PCMT1: variants seen among roughly 807,000 people sequenced by gnomAD.
PCMT1 encodes the protein protein-L-isoaspartate(D-aspartate) O-methyltransferase.
Under a neutral mutation model 29.2 loss-of-function variants are expected in PCMT1, and 9 were observed. The observed-to-expected ratio is 0.31, with a 90% CI of 0.19 to 0.54. The LOEUF (loss-of-function observed/expected upper bound fraction) is 0.54, where lower values mean the gene tolerates loss of function less well. PCMT1 is among the 20% of genes least tolerant of loss of function. The pLI, the probability that PCMT1 is intolerant of heterozygous loss-of-function variation, is 0.95. For synonymous variants in PCMT1, 98 were observed against 97.5 expected (o/e 1.00, Z -0.03); for missense variants, 184 against 282.2 (o/e 0.65, Z 2.49).
chr6:149,794,810 G>A, intron 5 of PCMT1: 1 of 485,626 alleles, frequency 2.1e-6, no homozygotes, highest in Non-Finnish European at 4.2e-6. Flanking sequence ...TGAGGGACAT[G>A]AGAGATCAAG....
At position 149,762,514 on chromosome 6, in the gene PCMT1, C is replaced by A. The variant is rs1217808108; in HGVS notation, c.56-8648C>A. Among the ~76,000 whole-genome samples, 19 of 61,836 alleles carry A rather than the reference C, an allele frequency of 3.1e-4. 4 individuals carry two copies. The highest frequency in any genetic ancestry group is 7.0e-4 in the African/African-American group (5 of 7,110). The allele number at this position is 61,836 out of a possible 152,430, so 40.6% of individuals were successfully genotyped here. ...GGTAATCTATGATATATATATATAT[C>A]TATGATATATATATCTATGATATAT... On this transcript the variant is annotated intron_variant, in intron 1 of 7. Coordinates refer to ENST00000464889, the MANE Select transcript of PCMT1 (RefSeq NM_001360452.2).
In PCMT1 at chr6:149,762,711, A is replaced by G. The variant is rs1390702380; in HGVS notation, c.56-8451A>G. 1.2e-4 allele frequency among the ~76,000 whole-genome samples: 5 copies of G among 40,852 alleles called. 1 individual carries two copies. The highest frequency in any genetic ancestry group is 1.1e-3 in the African/African-American group (4 of 3,800). The allele number at this position is 40,852 out of a possible 152,430, so 26.8% of individuals were successfully genotyped here. Reference sequence around the variant, plus strand: ...TGATATATATATATCTATGATATATATATCTATGATATATATATCTATGAT... The same window carrying G: ...TGATATATATATATCTATGATATATGTATCTATGATATATATATCTATGAT... On this transcript the variant is annotated intron_variant, in intron 1 of 7. Coordinates refer to ENST00000464889, the MANE Select transcript of PCMT1 (RefSeq NM_001360452.2).
At chr6:149,795,648 A>T (rs1788576393) in intron 5 of PCMT1, 1 of 440,864 alleles carries the variant, frequency 2.3e-6, no homozygotes, top group South Asian at 2.1e-5. Flanking sequence ...GGATTACTAT[A>T]AAATAGGAAT....
At chr6:149,793,871 C>T (rs80152631) in intron 5 of PCMT1, among the ~76,000 whole-genome samples, 123 of 152,148 alleles carry the variant, frequency 8.1e-4, no homozygotes, top group African/African-American at 2.9e-3. Context: ...TTGTATTTTC[C>T]TATTAACCTC....
chr6:149,775,147 A>G (rs1356428266), intron 3 of PCMT1, among the ~76,000 whole-genome samples: 1 of 152,200 alleles, frequency 6.6e-6, no homozygotes, highest in East Asian at 1.9e-4. Context: ...GCCTGGCCAG[A>G]ACAATAACTT....
intron 3 of PCMT1, among the ~76,000 whole-genome samples, chr6:149,786,239 G>T (rs1475755863): frequency 8.8e-6 from 1 of 113,374 alleles, no homozygotes. Flanking sequence ...CCTCCCAGAC[G>T]GGACAGGGCG....
At chr6:149,781,479 C>G (rs1021254148) in intron 3 of PCMT1, among the ~76,000 whole-genome samples, 1 of 152,156 alleles carries the variant, frequency 6.6e-6, no homozygotes, top group Non-Finnish European at 1.5e-5. Context: ...CCCACCTCAG[C>G]CTCCCAAAGT....
In PCMT1 at chr6:149,765,831, C is replaced by T. The variant is rs147100595; in HGVS notation, c.56-5331C>T. 1.4e-3 allele frequency: 253 copies of T among 184,254 alleles called. 1 individual carries two copies. Among genetic ancestry groups the T allele is most frequent in the African/African-American group, 5.3e-3 (222 of 41,522 alleles). The allele number at this position is 184,254 out of a possible 1,614,324, so 11.4% of individuals were successfully genotyped here. On this transcript the variant is annotated intron_variant, in intron 1 of 7. Transcript: ENST00000464889. Reference sequence around the variant, plus strand: ...AAAATACAATATTAGCTGGGTGTGGCGGTGGGCATCTGTAATCCCAGCTAC... The same window carrying T: ...AAAATACAATATTAGCTGGGTGTGGTGGTGGGCATCTGTAATCCCAGCTAC...
chr6:149,808,528 T>G (rs1195795772), intron 7 of PCMT1, among the ~76,000 whole-genome samples: 2 of 152,156 alleles, frequency 1.3e-5, no homozygotes, highest in Non-Finnish European at 2.9e-5. Context: ...AAAGTATTTT[T>G]TAGACAGAGA....
At chr6:149,781,193 T>G (rs1787798450) in intron 3 of PCMT1, among the ~76,000 whole-genome samples, 1 of 39,448 alleles carries the variant, frequency 2.5e-5, no homozygotes, top group South Asian at 7.8e-4. Flanking sequence ...CTTTCTTGTT[T>G]TTTTTTTTTT....
chr6:149,770,991 T>C (rs1222857896), intron 1 of PCMT1, among the ~76,000 whole-genome samples, 171 bp from the exon 2 acceptor site: 1 of 151,798 alleles, frequency 6.6e-6, no homozygotes. Flanking sequence ...AGAGCGAGAC[T>C]CTGTCTCAGA....
At position 149,755,189 on chromosome 6, in the gene PCMT1, T is replaced by C. The variant is rs114032517; in HGVS notation, c.55+5233T>C. Among the ~76,000 whole-genome samples the C allele has an allele frequency of 1.6e-3, 238 of 152,244 alleles. 1 individual carries two copies. Among genetic ancestry groups the C allele is most frequent in the African/African-American group, 5.4e-3 (224 of 41,548 alleles). On this transcript the variant is annotated intron_variant, in intron 1 of 7. Coordinates refer to ENST00000464889, the MANE Select transcript of PCMT1 (RefSeq NM_001360452.2). ...GGGAGGCTGAGTCAGGAGGATCGCT[T>C]CAGTCCAGGAGTTTGAGACCAGCCT...
intron 6 of PCMT1, among the ~76,000 whole-genome samples, chr6:149,799,323 T>A (rs919901611): frequency 7.3e-6 from 1 of 137,274 alleles, no homozygotes; most frequent in African/African-American, 3.3e-5. Context: ...CTAAAAAAAA[T>A]AAAAGCTTCT....
intron 3 of PCMT1, among the ~76,000 whole-genome samples, chr6:149,784,848 C>G (rs1370156907): frequency 6.6e-6 from 1 of 152,180 alleles, no homozygotes; most frequent in Non-Finnish European, 1.5e-5. Context: ...TATTATAAAT[C>G]TCAATGACTT....
intron 5 of PCMT1, chr6:149,795,232 C>T (rs1788551874): frequency 2.6e-6 from 1 of 389,264 alleles, no homozygotes; most frequent in Non-Finnish European, 4.9e-6. Context: ...TCCAACACGA[C>T]AGCGCCATGT....
intron 3 of PCMT1, among the ~76,000 whole-genome samples, chr6:149,785,361 T>C (rs1787983358): frequency 6.7e-6 from 1 of 149,618 alleles, no homozygotes; most frequent in Non-Finnish European, 1.5e-5. Flanking sequence ...TTTTCTTTTT[T>C]TTTTTTTTTT....
At chr6:149,775,212 C>G (rs1223531530) in intron 3 of PCMT1, among the ~76,000 whole-genome samples, 1 of 152,022 alleles carries the variant, frequency 6.6e-6, no homozygotes, top group East Asian at 1.9e-4. Context: ...AAACTTAATA[C>G]TAATATAAAT....
chr6:149,765,574 G>A (rs1462115969), intron 1 of PCMT1: 1 of 239,942 alleles, frequency 4.2e-6, no homozygotes, highest in South Asian at 4.6e-5. Context: ...TGCCTTTTTT[G>A]CTAATTTTAA....
intron 1 of PCMT1, among the ~76,000 whole-genome samples, chr6:149,753,858 A>G (rs762629313): frequency 2.6e-5 from 4 of 152,208 alleles, no homozygotes; most frequent in Non-Finnish European, 1.5e-5. Context: ...AACAGTGACT[A>G]AAACTTGAGC....
Sources: gnomAD v4.1 joint callset for allele counts (sites outside exome capture counted in the v4.1 genomes callset) on GRCh38, gnomAD v4.1.1 for gene constraint, MANE v1.5 for transcripts, NCBI Gene and HGNC (gene_info 2026-07-23, HGNC 2026-07-21) for gene names.